Variants in SLC38A6 observed in about 807,000 individuals in gnomAD.
The protein encoded by SLC38A6 is N system amino acid transporter NAT-1.
SLC38A6 carries 73 observed loss-of-function variants against 65.0 expected under a neutral mutation model. That is an observed-to-expected ratio of 1.12 (90% CI 0.93 to 1.37). SLC38A6 has a LOEUF of 1.37. Ranked by LOEUF, SLC38A6 falls within the 40% of genes most tolerant of loss-of-function variation. The pLI, the probability that SLC38A6 is intolerant of heterozygous loss-of-function variation, is 0.00. For missense variants in SLC38A6, 561 were observed against 531.1 expected (o/e 1.06, Z -0.55); for synonymous variants, 183 against 178.8 (o/e 1.02, Z -0.19).
chr14:60,987,971 C>T (rs1401129327), intron 3 of SLC38A6, among the ~76,000 whole-genome samples: 2 of 152,222 alleles, frequency 1.3e-5, no homozygotes, highest in African/African-American at 4.8e-5. Context: ...ATTTCTCAGA[C>T]TCATCCCATA....
intron 5 of SLC38A6, among the ~76,000 whole-genome samples, chr14:61,029,155 C>CTTTTTTT (rs111427405): frequency 4.6e-5 from 6 of 130,332 alleles, no homozygotes; most frequent in African/African-American, 5.6e-5. Flanking sequence ...ACTCTTTATT[C>CTTTTTTT]TTTTTTTTTT....
intron 15 of SLC38A6, among the ~76,000 whole-genome samples, chr14:61,074,996 C>T (rs959782499): frequency 1.3e-5 from 2 of 151,804 alleles, no homozygotes; most frequent in Admixed American, 6.6e-5. Context: ...TGAATTTCAC[C>T]TCAATCAAAA....
At chr14:61,032,971 A>C (rs2041102363) in intron 6 of SLC38A6, among the ~76,000 whole-genome samples, 2 of 151,990 alleles carry the variant, frequency 1.3e-5, no homozygotes, top group Admixed American at 1.3e-4. Context: ...TATCAGAATG[A>C]AACTGTGTTC....
intron 3 of SLC38A6, among the ~76,000 whole-genome samples, chr14:61,003,359 A>G (rs1369839075): frequency 1.3e-5 from 2 of 152,130 alleles, no homozygotes; most frequent in African/African-American, 2.4e-5. Context: ...TATTCTATCA[A>G]AAATACCTAC....
intron 16 of SLC38A6, among the ~76,000 whole-genome samples, chr14:61,082,760 T>C (rs1256530548): frequency 6.6e-6 from 1 of 152,156 alleles, no homozygotes; most frequent in African/African-American, 2.4e-5. Flanking sequence ...GCAGGGATCA[T>C]GCCTCTGGGC....
chr14:61,070,555 A>G (rs527274622), intron 15 of SLC38A6, among the ~76,000 whole-genome samples: 5 of 152,278 alleles, frequency 3.3e-5, no homozygotes, highest in South Asian at 2.1e-4. Flanking sequence ...TCTGTTTTCA[A>G]TCATTTTGTT....
At chr14:61,083,513 T>C (rs1424674081) in intron 16 of SLC38A6, 2 of 1,536,616 alleles carry the variant, frequency 1.3e-6, no homozygotes, top group Middle Eastern at 1.7e-4. Flanking sequence ...AATGAGGCCA[T>C]TAAGCCCTAA....
intron 3 of SLC38A6, among the ~76,000 whole-genome samples, chr14:61,010,319 T>G (rs972237234): frequency 1.3e-5 from 2 of 152,116 alleles, no homozygotes; most frequent in African/African-American, 4.8e-5. Context: ...TTTCTCCCAT[T>G]TTGTAGGTTG....
At chr14:60,987,190 A>G (rs2037515373) in intron 3 of SLC38A6, 1 of 259,410 alleles carries the variant, frequency 3.9e-6, no homozygotes, top group Non-Finnish European at 7.3e-6. Context: ...TTTTTTCAAT[A>G]CATACATTCA....
At chr14:61,071,421 C>T (rs2043220725) in intron 15 of SLC38A6, among the ~76,000 whole-genome samples, 1 of 152,072 alleles carries the variant, frequency 6.6e-6, no homozygotes, top group South Asian at 2.1e-4. Flanking sequence ...GTGGCTCATG[C>T]CTGTAATCAC....
chr14:61,052,502 C>G lies in SLC38A6; in HGVS notation c.*73C>G. ...AAGAATGAATTATTCCGGAAGACAC[C>G]CTGGATGAAAAATAACATTTTAATA... On this transcript the variant is annotated 3_prime_UTR_variant, in exon 16 of 16. Coordinates refer to ENST00000267488, the MANE Select transcript of SLC38A6 (RefSeq NM_153811.3). 6.8e-7 allele frequency: 1 copy of G among 1,475,996 alleles called. No individual in the cohort carries two copies. The highest frequency in any genetic ancestry group is 8.9e-7 in the Non-Finnish European group (1 of 1,120,684). The allele number at this position is 1,475,996 out of a possible 1,614,324, so 91.4% of individuals were successfully genotyped here.
In SLC38A6 at chr14:61,046,237, C is replaced by G. The variant is rs1359723668; in HGVS notation, c.925+70C>G. On this transcript the variant is annotated intron_variant, in intron 12 of 15. Coordinates refer to ENST00000267488, the MANE Select transcript of SLC38A6 (RefSeq NM_153811.3). ...AGATGGCCTCACGCCAATCTATAGA[C>G]TTTACCTATGCCTTTTATTACTAAG... is the stretch of plus-strand genomic sequence containing the variant. 5.1e-6 allele frequency: 5 copies of G among 974,208 alleles called. No individual in the cohort carries two copies. In the Admixed American group the frequency reaches 1.1e-4, roughly 21 times the overall value. 60.3% of individuals were successfully genotyped at this position (974,208 alleles called of 1,614,324 possible).
intron 3 of SLC38A6, among the ~76,000 whole-genome samples, chr14:61,010,763 C>T: frequency 6.6e-6 from 1 of 152,146 alleles, no homozygotes; most frequent in Non-Finnish European, 1.5e-5. Context: ...GGTACCAGTA[C>T]CGTGCTGTTT....
intron 3 of SLC38A6, among the ~76,000 whole-genome samples, chr14:61,005,033 A>G (rs999491509): frequency 6.6e-6 from 1 of 152,204 alleles, no homozygotes; most frequent in Non-Finnish European, 1.5e-5. Flanking sequence ...CTGGTTCAAT[A>G]TACGCAAATC....
intron 14 of SLC38A6, 27 bp downstream of exon 14, chr14:61,051,958 C>T: frequency 1.2e-6 from 2 of 1,604,308 alleles, no homozygotes; most frequent in Non-Finnish European, 1.7e-6. Flanking sequence ...AAAAAGTTCA[C>T]ATAATAAAAT....
At chr14:60,991,511 G>A (rs943867341) in intron 3 of SLC38A6, among the ~76,000 whole-genome samples, 1 of 152,186 alleles carries the variant, frequency 6.6e-6, no homozygotes, top group Non-Finnish European at 1.5e-5. Context: ...CAGTTAGGAA[G>A]TATAGGAGCC....
At chr14:61,053,973 C>T (rs2042618298), downstream of SLC38A6, among the ~76,000 whole-genome samples, 1 of 152,024 alleles carries the variant, frequency 6.6e-6, no homozygotes, top group South Asian at 2.1e-4. Flanking sequence ...GATGGTATTG[C>T]CTAGGTTGTC....
chr14:60,984,505 T>G (rs958976320), intron 2 of SLC38A6, among the ~76,000 whole-genome samples: 2 of 152,108 alleles, frequency 1.3e-5, no homozygotes, highest in Non-Finnish European at 2.9e-5. Context: ...AAGTTTGGTT[T>G]TTATTTTTTT....
At chr14:60,981,422 C>T (rs1401744277) in intron 1 of SLC38A6, 40 bp downstream of exon 1, 1 of 1,554,454 alleles carries the variant, frequency 6.4e-7, no homozygotes, top group Admixed American at 2.0e-5. Flanking sequence ...TGACGCCCTC[C>T]GGCTTCCCTC....
Sources: gnomAD v4.1 joint callset for allele counts (sites outside exome capture counted in the v4.1 genomes callset) on GRCh38, gnomAD v4.1.1 for gene constraint, MANE v1.5 for transcripts, NCBI Gene and HGNC (gene_info 2026-07-23, HGNC 2026-07-21) for gene names.